The following ARID1A variants were observed in gnomAD, a reference collection of about 807,000 sequenced individuals.
ARID1A encodes the protein AT-rich interaction domain 1A, also known as AT-rich interactive domain-containing protein 1A.
ARID1A carries 20 observed loss-of-function variants against 212.6 expected under a neutral mutation model. The ratio of observed to expected loss-of-function variants is 0.09; its 90% CI spans 0.07 to 0.14. The LOEUF is 0.14. ARID1A is among the 10% of genes least tolerant of loss of function. The pLI is 1.00. For missense variants in ARID1A, 2,587 were observed against 3,059.0 expected, an observed-to-expected ratio of 0.85 and a Z score of 3.64; for synonymous variants, 1,376 against 1,222.1, an observed-to-expected ratio of 1.13 and a Z score of -2.63.
intron 4 of ARID1A, among the ~76,000 whole-genome samples, chr1:26,754,091 G>A (rs2080907780): frequency 6.6e-6 from 1 of 152,204 alleles, no homozygotes; most frequent in South Asian, 2.1e-4. Flanking sequence ...ACAGGCATGA[G>A]CCACCACACC....
chr1:26,761,298 A>T, intron 5 of ARID1A, 86 bp from the exon 6 acceptor site: 1 of 1,535,526 alleles, frequency 6.5e-7, no homozygotes, highest in South Asian at 1.2e-5. Context: ...CCTCTTCATG[A>T]GCCATTTCTA....
In ARID1A at chr1:26,767,957, T is replaced by C; in HGVS notation, c.3156T>C (p.Tyr1052=). 1 of 1,614,028 alleles carries C rather than the reference T, an allele frequency of 6.2e-7. No individual in the cohort carries two copies. Among genetic ancestry groups the C allele is most frequent in the South Asian group, 1.1e-5 (1 of 91,080 alleles). ...TGGGTAGGAAACCTCTGGACCTCTA[T>C]CGCCTCTATGTGTCTGTGAAGGAGA... ...PAVGRKPLDL[Y]RLYVSVKEIG... Residue 1052 remains tyrosine (Y), a synonymous_variant, in exon 11 of 20, where the codon TAT becomes TAC. Transcript: ENST00000324856.
chr1:26,703,295 G>A (rs2080348328), intron 1 of ARID1A, among the ~76,000 whole-genome samples: 2 of 152,144 alleles, frequency 1.3e-5, no homozygotes, highest in Non-Finnish European at 2.9e-5. Flanking sequence ...TTCCTTCAGT[G>A]ACACATTCTT....
chr1:26,730,365 T>A (rs2080662634), intron 2 of ARID1A, among the ~76,000 whole-genome samples: 2 of 152,218 alleles, frequency 1.3e-5, no homozygotes, highest in Non-Finnish European at 2.9e-5. Flanking sequence ...GATTTCCCCT[T>A]ATCCATCTCT....
chr1:26,781,560 C>T lies in ARID1A; in HGVS notation c.*804C>T. 1 of 233,528 alleles carries T rather than the reference C, an allele frequency of 4.3e-6. No homozygotes were observed. The highest frequency in any genetic ancestry group is 8.5e-6 in the Non-Finnish European group (1 of 118,020). The allele number at this position is 233,528 out of a possible 1,614,324, so 14.5% of individuals were successfully genotyped here. A position where few individuals can be genotyped will look rare whatever the true frequency, so the allele number is the denominator to read the frequency against. On this transcript the variant is annotated 3_prime_UTR_variant, in exon 20 of 20. Transcript: ENST00000324856. ...ATTGTATGAATAACCCTGAGATCACCTCTTAGAACTGGTTTTAACCTTTAG... is the reference window on the plus strand; with the variant it reads ...ATTGTATGAATAACCCTGAGATCACTTCTTAGAACTGGTTTTAACCTTTAG...
chr1:26,705,206 T>TG, intron 1 of ARID1A, among the ~76,000 whole-genome samples: 1 of 152,188 alleles, frequency 6.6e-6, no homozygotes, highest in African/African-American at 2.4e-5. Context: ...TGGTGCAATC[T>TG]GGCTCATTGC....
At chr1:26,746,606 A>G (rs1467796309) in intron 4 of ARID1A, among the ~76,000 whole-genome samples, 2 of 152,220 alleles carry the variant, frequency 1.3e-5, no homozygotes, top group Admixed American at 6.5e-5. Flanking sequence ...CTATGTTAAC[A>G]TATCTGGCCA....
chr1:26,742,530 G>T (rs4970482), intron 4 of ARID1A, among the ~76,000 whole-genome samples: 105,876 of 152,006 alleles, frequency 0.7, 37,904 homozygotes, highest in East Asian at 1. Flanking sequence ...CAACATCACC[G>T]GGAAGCTTGC....
At chr1:26,738,274 C>T (rs1039355657) in intron 4 of ARID1A, among the ~76,000 whole-genome samples, 5 of 152,200 alleles carry the variant, frequency 3.3e-5, no homozygotes, top group Non-Finnish European at 7.4e-5. Flanking sequence ...CCACCCGCCT[C>T]GGCCTCCCAA....
chr1:26,705,439 CTTTTT>C (rs34588758), intron 1 of ARID1A, among the ~76,000 whole-genome samples: 1 of 143,888 alleles, frequency 6.9e-6, no homozygotes, highest in African/African-American at 2.6e-5. Context: ...CACGCCCAGC[CTTTTT>C]TTTTTTTCCC....
chr1:26,711,264 G>A (rs936080120), intron 1 of ARID1A, among the ~76,000 whole-genome samples: 10 of 151,812 alleles, frequency 6.6e-5, no homozygotes, highest in Admixed American at 1.3e-4. Flanking sequence ...ACGCCACCAC[G>A]CCCGGCTAAT....
chr1:26,711,354 C>G (rs2124764203), intron 1 of ARID1A, among the ~76,000 whole-genome samples: 1 of 152,156 alleles, frequency 6.6e-6, no homozygotes, highest in East Asian at 1.9e-4. Context: ...AACTCCTGAC[C>G]TCAAGCCATT....
rs1570609219 is a variant in ARID1A at position 26,767,737 on chromosome 1, G to A, written c.2989-53G>A. ...AGTCAAGAGACTTCTGAGACCCTTA[G>A]CACAGGCTTTGAATCTGACCCATTC... is the stretch of plus-strand genomic sequence containing the variant. On this transcript the variant is annotated intron_variant, in intron 10 of 19. Transcript: ENST00000324856. 4 of 1,507,708 alleles carry A rather than the reference G, an allele frequency of 2.7e-6. No individual in the cohort carries two copies. The South Asian group carries it at 4.9e-5, about 19-fold the overall frequency. The allele number at this position is 1,507,708 out of a possible 1,614,324, so 93.4% of individuals were successfully genotyped here.
intron 1 of ARID1A, among the ~76,000 whole-genome samples, chr1:26,717,042 A>G (rs893494566): frequency 7.9e-5 from 12 of 152,286 alleles, no homozygotes; most frequent in African/African-American, 2.6e-4. Context: ...GCGCTTTCAT[A>G]CATTTATTTC....
intron 12 of ARID1A, 116 bp from the exon 13 acceptor site, chr1:26,772,384 C>A: frequency 6.8e-7 from 1 of 1,473,442 alleles, no homozygotes; most frequent in Non-Finnish European, 9.3e-7. Context: ...GGTGATCAGG[C>A]TTTAAAGGCC....
chr1:26,709,577 G>A (rs916215361), intron 1 of ARID1A, among the ~76,000 whole-genome samples: 2 of 150,042 alleles, frequency 1.3e-5, no homozygotes, highest in Admixed American at 6.6e-5. Context: ...GGTCTTTACC[G>A]AATTCAAAAT....
At position 26,696,740 on chromosome 1, in the gene ARID1A, C is replaced by G; in HGVS notation, c.337C>G (p.Leu113Val). 1 of 1,375,994 alleles carries G rather than the reference C, an allele frequency of 7.3e-7. No individual in the cohort carries two copies. Among genetic ancestry groups the G allele is most frequent in the South Asian group, 1.7e-5 (1 of 58,270 alleles). 85.2% of individuals were successfully genotyped at this position (1,375,994 alleles called of 1,614,324 possible). A position where few individuals can be genotyped will look rare whatever the true frequency, so the allele number is the denominator to read the frequency against. Residue 113 changes from leucine (L) to valine (V), a missense_variant, in exon 1 of 20, where the codon CTG becomes GTG. By Grantham distance (32) the Leu-to-Val change is conservative. This residue lies in a region of ARID1A where 735 missense variants were observed against 590.6 expected (regional missense o/e 1.24). Coordinates refer to ENST00000324856, the MANE Select transcript of ARID1A (RefSeq NM_006015.6). ...SNGNAGPRPA[L>V]NNNLTEPPGG... ...CGGGAACGCGGGCCCTAGGCCCGCCCTGAACAATAACCTCACGGAGCCGCC... is the reference window on the plus strand; with the variant it reads ...CGGGAACGCGGGCCCTAGGCCCGCCGTGAACAATAACCTCACGGAGCCGCC...
rs974964026 is a variant in ARID1A, at chr1:26,766,153, G to A, written c.2733-68G>A. The A allele has an allele frequency of 5.9e-6, 9 of 1,533,190 alleles. No homozygotes were observed. In the African/African-American group the frequency reaches 8.3e-5, roughly 14 times the overall value. The allele number at this position is 1,533,190 out of a possible 1,614,324, so 95.0% of individuals were successfully genotyped here. ...CTAGATGATCACACAGCACTATTTG[G>A]CTCCAGTTCAAATCTAAAAGCTCAG... On this transcript the variant is annotated intron_variant, in intron 8 of 19. Coordinates refer to ENST00000324856, the MANE Select transcript of ARID1A (RefSeq NM_006015.6).
At position 26,771,565 on chromosome 1, in the gene ARID1A, A is replaced by G; in HGVS notation, c.3406+239A>G. 1.8e-6 allele frequency: 1 copy of G among 546,916 alleles called. No homozygotes were observed. The highest frequency in any genetic ancestry group is 3.3e-6 in the Non-Finnish European group (1 of 306,396). 33.9% of individuals were successfully genotyped at this position (546,916 alleles called of 1,614,324 possible). ...TTTGTTGTGCAGCTGACAACTTGCC[A>G]AATGTTTGTAAACTGGTGAATGGGA... On this transcript the variant is annotated intron_variant, in intron 12 of 19. Transcript: ENST00000324856. This position sits in a 1 kb window ranked among gnomAD's most constrained non-coding sequence, Gnocchi z 5.4.
Sources: allele counts gnomAD v4.1 joint callset (sites outside exome capture counted in the v4.1 genomes callset), GRCh38; gene constraint gnomAD v4.1.1; regional missense constraint gnomAD v4.1.1; non-coding constraint Gnocchi (gnomAD v3.1); transcripts MANE v1.5; gene names NCBI Gene and HGNC (gene_info 2026-07-23, HGNC 2026-07-21).